The following KANK1 variants were observed in gnomAD, a reference collection of about 807,000 sequenced individuals.
KANK1 encodes KN motif and ankyrin repeat domains 1.
KANK1 carries 109 observed loss-of-function variants against 106.2 expected under a neutral mutation model. The ratio of observed to expected loss-of-function variants is 1.03; its 90% CI spans 0.88 to 1.20. The LOEUF is 1.20. Ranked by LOEUF, KANK1 falls within the 50% of genes most tolerant of loss-of-function variation. The pLI is 0.00. For synonymous variants in KANK1, 873 were observed against 652.2 expected (o/e 1.34, Z -5.16); for missense variants, 2,399 against 1,710.7 (o/e 1.40, Z -7.10).
At chr9:537,260 A>G (rs9408616) in intron 1 of KANK1, among the ~76,000 whole-genome samples, 9,914 of 152,130 alleles carry the variant, frequency 0.065, 372 homozygotes, top group South Asian at 0.086. Context: ...GACATTTGGT[A>G]TGTTACTGAG....
At chr9:628,071 G>A (rs928031471) in intron 1 of KANK1, among the ~76,000 whole-genome samples, 1 of 152,202 alleles carries the variant, frequency 6.6e-6, no homozygotes, top group Non-Finnish European at 1.5e-5. Context: ...TTAAAATACA[G>A]TTGCTTATTT....
intron 2 of KANK1, among the ~76,000 whole-genome samples, chr9:708,588 C>A (rs1824987262): frequency 6.6e-6 from 1 of 152,104 alleles, no homozygotes; most frequent in Admixed American, 6.5e-5. Flanking sequence ...TATTTTTGTA[C>A]TTTCTTTCCA....
chr9:489,723 G>T (rs2058347350), intron 3 of KANK1, among the ~76,000 whole-genome samples: 1 of 152,162 alleles, frequency 6.6e-6, no homozygotes, highest in Non-Finnish European at 1.5e-5. Context: ...ATTTAATAAA[G>T]CTTAGCTATT....
intron 1 of KANK1, among the ~76,000 whole-genome samples, chr9:585,093 C>T (rs979431314): frequency 1.3e-5 from 2 of 152,172 alleles, no homozygotes; most frequent in East Asian, 3.9e-4. Flanking sequence ...TGTGCCTCTC[C>T]ACCCTTGTGG....
At chr9:691,301 A>ATT (rs57321445) in intron 2 of KANK1, among the ~76,000 whole-genome samples, 1 of 150,086 alleles carries the variant, frequency 6.7e-6, no homozygotes, top group African/African-American at 2.4e-5. Context: ...AATGTAGCAG[A>ATT]TTTTTTTTTT....
At chr9:720,011 A>G (rs1419181031) in intron 3 of KANK1, among the ~76,000 whole-genome samples, 1 of 152,230 alleles carries the variant, frequency 6.6e-6, no homozygotes, top group Non-Finnish European at 1.5e-5. Flanking sequence ...AGAATTTAAT[A>G]TATGGATAAT....
At position 531,595 on chromosome 9, in the gene KANK1, A is replaced by G. The variant is rs1467312179; in HGVS notation, c.-84+26841A>G. On this transcript the variant is annotated intron_variant, in intron 1 of 11. Transcript: ENST00000382297. ...GAGATTTGATTGTGGGGACTCTGTCATTTGAGATGCAACTCTTGGTCCAGT... is the reference window on the plus strand; with the variant it reads ...GAGATTTGATTGTGGGGACTCTGTCGTTTGAGATGCAACTCTTGGTCCAGT... 2.6e-5 allele frequency among the ~76,000 whole-genome samples: 4 copies of G among 152,228 alleles called. No individual in the cohort carries two copies. In the East Asian group the frequency reaches 7.7e-4, roughly 29 times the overall value.
chr9:568,259 TC>T (rs1234943357), intron 1 of KANK1, among the ~76,000 whole-genome samples: 3 of 152,200 alleles, frequency 2.0e-5, no homozygotes, highest in Non-Finnish European at 4.4e-5. Context: ...TCCCTTCCAT[TC>T]ATTTTTATAT....
chr9:623,778 C>T (rs1454093206), intron 1 of KANK1, among the ~76,000 whole-genome samples: 1 of 152,066 alleles, frequency 6.6e-6, no homozygotes, highest in Non-Finnish European at 1.5e-5. Context: ...AAAGGGAACC[C>T]TTGTACGCTA....
intron 3 of KANK1, among the ~76,000 whole-genome samples, chr9:714,907 T>C (rs1432482773): frequency 6.6e-6 from 1 of 152,210 alleles, no homozygotes; most frequent in Non-Finnish European, 1.5e-5. Context: ...GGCTCTCCAA[T>C]TCTCATGAAT....
intron 3 of KANK1, among the ~76,000 whole-genome samples, chr9:720,409 A>G (rs755840222): frequency 2.4e-4 from 37 of 152,172 alleles, no homozygotes; most frequent in Non-Finnish European, 4.4e-4. Flanking sequence ...CAGTGGTGCA[A>G]TCATAGCTCA....
chr9:634,386 C>T (rs948262141), intron 1 of KANK1, among the ~76,000 whole-genome samples: 6 of 152,096 alleles, frequency 3.9e-5, no homozygotes, highest in South Asian at 2.1e-4. Flanking sequence ...TGGGGTCACT[C>T]GGTTGCCTGA....
rs1282686681 is a variant in KANK1 at position 745,661 on chromosome 9, TTTTTC to T, written c.*431_*435del. The T allele has an allele frequency of 6.5e-6, 1 of 152,906 alleles. No individual in the cohort carries two copies. Among genetic ancestry groups the T allele is most frequent in the African/African-American group, 2.4e-5 (1 of 41,498 alleles). The allele number at this position is 152,906 out of a possible 1,614,324, so 9.5% of individuals were successfully genotyped here. On this transcript the variant is annotated 3_prime_UTR_variant, in exon 12 of 12. Transcript: ENST00000382297. ...AATCTCATTCCAGCATAGTTTTGGA[TTTTTC>T]TTTTGTCTTATTTTAAAATAAGGAA...
intron 1 of KANK1, among the ~76,000 whole-genome samples, chr9:670,839 T>G (rs1474702587): frequency 6.6e-6 from 1 of 152,148 alleles, no homozygotes; most frequent in East Asian, 1.9e-4. Context: ...ATCTCACTTT[T>G]TCCAGTGTAG....
intron 3 of KANK1, among the ~76,000 whole-genome samples, chr9:496,425 A>T (rs1288701939): frequency 2.0e-5 from 3 of 152,122 alleles, no homozygotes; most frequent in Non-Finnish European, 4.4e-5. Context: ...ATGGTGGCAC[A>T]TATGCCTGTA....
At chr9:488,278 T>C (rs1043472168) in intron 3 of KANK1, among the ~76,000 whole-genome samples, 2 of 151,906 alleles carry the variant, frequency 1.3e-5, no homozygotes, top group African/African-American at 4.8e-5. Flanking sequence ...GTGGTGGGAA[T>C]GTGTGGCTCA....
chr9:662,580 T>A (rs1036045813), intron 1 of KANK1, among the ~76,000 whole-genome samples: 20 of 152,010 alleles, frequency 1.3e-4, no homozygotes, highest in African/African-American at 4.6e-4. Context: ...GCATTCCCTG[T>A]TTAATAAGTG....
intron 3 of KANK1, among the ~76,000 whole-genome samples, chr9:721,588 A>G (rs1473642570): frequency 6.6e-6 from 1 of 152,200 alleles, no homozygotes; most frequent in Admixed American, 6.5e-5. Context: ...CAGAAAAACT[A>G]TAGTACCCCT....
intron 1 of KANK1, among the ~76,000 whole-genome samples, chr9:646,133 T>C (rs964655080): frequency 6.6e-6 from 1 of 150,644 alleles, no homozygotes; most frequent in African/African-American, 2.5e-5. Context: ...TTGACAGCCA[T>C]ACAGATCTTC....
Sources: allele counts gnomAD v4.1 joint callset (sites outside exome capture counted in the v4.1 genomes callset), GRCh38; gene constraint gnomAD v4.1.1; transcripts MANE v1.5; gene names NCBI Gene and HGNC (gene_info 2026-07-23, HGNC 2026-07-21).